Variants in UPK1A observed in about 807,000 individuals in gnomAD.
The protein encoded by UPK1A is uroplakin 1A, also known as uroplakin-1a.
Under a neutral mutation model 32.3 loss-of-function variants are expected in UPK1A, and 31 were observed. The observed-to-expected ratio is 0.96, with a 90% confidence interval of 0.72 to 1.30. The LOEUF is 1.30. Ranked by LOEUF, UPK1A falls within the 50% of genes most tolerant of loss-of-function variation. The pLI is 0.00. For synonymous variants in UPK1A, 135 were observed against 137.1 expected, an observed-to-expected ratio of 0.98 and a Z score of 0.11; for missense variants, 340 against 357.4, an observed-to-expected ratio of 0.95 and a Z score of 0.39.
chr19:35,674,770 A>G (rs1232546734), intron 5 of UPK1A, among the ~76,000 whole-genome samples: 2 of 152,022 alleles, frequency 1.3e-5, no homozygotes, highest in African/African-American at 2.4e-5. Context: ...GGCTGGGTGC[A>G]GTGGCTCAAA....
At chr19:35,670,963 C>A (rs1289330353) in intron 3 of UPK1A, among the ~76,000 whole-genome samples, 1 of 152,028 alleles carries the variant, frequency 6.6e-6, no homozygotes, top group East Asian at 2.0e-4. Flanking sequence ...GAGCCTCCCA[C>A]CTCAGCCTCC....
At chr19:35,677,419 A>G (rs369587355) in intron 6 of UPK1A, among the ~76,000 whole-genome samples, 1 of 151,472 alleles carries the variant, frequency 6.6e-6, no homozygotes, top group African/African-American at 2.4e-5. Flanking sequence ...CCAGCTACTC[A>G]GGAGGCTGAG....
chr19:35,668,513 A>G (rs763145673), exon 3 of UPK1A: 7 of 1,614,178 alleles, frequency 4.3e-6, no homozygotes, highest in South Asian at 1.1e-5. Context: ...AGTACCGTGT[A>G]TACCCACTGA....
chr19:35,670,513 C>T (rs1968073977), intron 3 of UPK1A, among the ~76,000 whole-genome samples: 1 of 74,890 alleles, frequency 1.3e-5, no homozygotes, highest in Non-Finnish European at 2.7e-5. Context: ...CCCCTCCCCT[C>T]GCCTCCTCTC....
chr19:35,666,838 C>A lies in UPK1A; in HGVS notation c.26C>A (p.Ala9Asp), dbSNP rs61741212. 45 of 1,613,864 alleles carry A rather than the reference C, an allele frequency of 2.8e-5. No homozygotes were observed. The South Asian group carries it at 4.8e-4, about 17-fold the overall frequency. Residue 9 changes from alanine (A) to aspartate (D), a missense_variant, in exon 2 of 8, where the codon GCC becomes GAC. By Grantham distance (126) the Ala-to-Asp change is moderately radical. Coordinates refer to ENST00000617999, the Ensembl canonical transcript of UPK1A. ...ATGGCGTCTGCGGCAGCAGCGGAGG[C>A]CGAGAAGGGATCTCCAGTTGTGGTG...
rs1968212350 is a variant in UPK1A, at chr19:35,678,125, C to T, written c.*106C>T. ...TGCCTCACCTCTCACCTCCCAACGT[C>T]CCTAGCCCTTACGTCCTTCCACTTC... On this transcript the variant is annotated 3_prime_UTR_variant, in exon 8 of 8. Coordinates refer to ENST00000617999, the Ensembl canonical transcript of UPK1A. 3.7e-6 allele frequency: 5 copies of T among 1,358,390 alleles called. No homozygotes were observed. In the South Asian group the frequency reaches 4.5e-5, roughly 12 times the overall value. 84.1% of individuals were successfully genotyped at this position (1,358,390 alleles called of 1,614,324 possible). A position where few individuals can be genotyped will look rare whatever the true frequency, so the allele number is the denominator to read the frequency against.
intron 6 of UPK1A, 148 bp from the exon 7 acceptor site, chr19:35,677,664 G>C: frequency 9.4e-7 from 1 of 1,064,642 alleles, no homozygotes; most frequent in Non-Finnish European, 1.4e-6. Flanking sequence ...CACCCGAGGA[G>C]GTGGACAGTG....
At chr19:35,678,013 G>A (rs1269823386) in exon 8 of UPK1A, 12 of 1,587,798 alleles carry the variant, frequency 7.6e-6, no homozygotes, top group Non-Finnish European at 1.0e-5. Flanking sequence ...TCTACACCAT[G>A]CTCTGAGGGA....
At chr19:35,672,912 T>G (rs938850306) in intron 3 of UPK1A, among the ~76,000 whole-genome samples, 11 of 151,860 alleles carry the variant, frequency 7.2e-5, no homozygotes, top group Admixed American at 3.9e-4. Context: ...GAGAAGGGGT[T>G]TCACCATGTT....
In UPK1A at chr19:35,666,794, G is replaced by T. The variant is rs374611091; in HGVS notation, c.-4-15G>T. On this transcript the variant is annotated splice_polypyrimidine_tract_variant and intron_variant, in intron 1 of 7. Coordinates refer to ENST00000617999, the Ensembl canonical transcript of UPK1A. Reference sequence around the variant, plus strand: ...CCTTTACGCTCCTGGCCTCATCCCTGCTCATGTGTCCCAGGATGATGGCGT... The same window carrying T: ...CCTTTACGCTCCTGGCCTCATCCCTTCTCATGTGTCCCAGGATGATGGCGT... The T allele has an allele frequency of 6.2e-7, 1 of 1,613,892 alleles. No individual in the cohort carries two copies. Among genetic ancestry groups the T allele is most frequent in the South Asian group, 1.1e-5 (1 of 91,076 alleles).
At chr19:35,678,343 G>A (rs753239393) in exon 8 of UPK1A, 10 of 278,694 alleles carry the variant, frequency 3.6e-5, no homozygotes, top group East Asian at 1.9e-4. Context: ...TTGCTGAACC[G>A]TTTGTGATTG....
chr19:35,666,652 T>A, intron 1 of UPK1A, 114 bp downstream of exon 1: 1 of 681,794 alleles, frequency 1.5e-6, no homozygotes, highest in Non-Finnish European at 2.5e-6. Context: ...TGTCCTCTTG[T>A]GCAAAATGCC....
intron 2 of UPK1A, 137 bp downstream of exon 2, chr19:35,667,033 C>A: frequency 1.3e-6 from 1 of 779,714 alleles, no homozygotes; most frequent in Non-Finnish European, 2.1e-6. Context: ...GGTTGAAATC[C>A]CAGCTCTGCC....
intron 1 of UPK1A, 68 bp downstream of exon 1, chr19:35,666,606 A>G: frequency 1.7e-6 from 1 of 573,544 alleles, no homozygotes. Flanking sequence ...GGGCAGTGCC[A>G]AGTTCAGGCC....
chr19:35,666,940 G>A (rs374293776), intron 2 of UPK1A, 44 bp downstream of exon 2: 2 of 1,604,464 alleles, frequency 1.2e-6, no homozygotes, highest in African/African-American at 2.7e-5. Context: ...TTGTGTGGTG[G>A]GGAGGGGACA....
intron 5 of UPK1A, 67 bp from the exon 6 acceptor site, chr19:35,675,773 G>A: frequency 6.6e-7 from 1 of 1,526,498 alleles, no homozygotes; most frequent in Non-Finnish European, 8.8e-7. Context: ...TCCTTGCTGT[G>A]TGACCTCAGG....
exon 6 of UPK1A, chr19:35,676,000 T>C (rs771971555): frequency 1.7e-5 from 27 of 1,613,508 alleles, no homozygotes; most frequent in Non-Finnish European, 2.3e-5. Flanking sequence ...CTGGGGCACA[T>C]GGACTACCTG....
intron 3 of UPK1A, among the ~76,000 whole-genome samples, chr19:35,669,615 G>A (rs1033288518): frequency 1.3e-5 from 2 of 152,022 alleles, no homozygotes; most frequent in Non-Finnish European, 2.9e-5. Flanking sequence ...AGGTTGCAGT[G>A]AGCCAAGATC....
intron 4 of UPK1A, 65 bp downstream of exon 4, chr19:35,673,371 C>A: frequency 1.2e-6 from 2 of 1,610,430 alleles, no homozygotes; most frequent in South Asian, 1.1e-5. Context: ...CCCGGCGCGG[C>A]GGGGCGGAGG....
Sources: gnomAD v4.1 joint callset for allele counts (sites outside exome capture counted in the v4.1 genomes callset) on GRCh38, gnomAD v4.1.1 for gene constraint, MANE v1.5 for transcripts, NCBI Gene and HGNC (gene_info 2026-07-23, HGNC 2026-07-21) for gene names.